Variants in CCSER1 observed in about 807,000 individuals in gnomAD.
CCSER1 encodes the protein serine-rich coiled-coil domain-containing protein 1.
A neutral mutation model predicts 82.0 loss-of-function variants in CCSER1; 41 were observed. The observed-to-expected ratio is 0.50, with a 90% CI of 0.39 to 0.65. The LOEUF is 0.65. Among genes scored for constraint, CCSER1 ranks in the 30% least tolerant of loss-of-function variants. The pLI, the probability that CCSER1 is intolerant of heterozygous loss-of-function variation, is 0.00. For missense variants in CCSER1, 1,119 were observed against 1,064.2 expected (o/e 1.05, Z -0.72); for synonymous variants, 414 against 383.9 (o/e 1.08, Z -0.92).
intron 1 of CCSER1, among the ~76,000 whole-genome samples, chr4:90,284,601 C>T (rs1729522209): frequency 6.6e-6 from 1 of 151,638 alleles, no homozygotes; most frequent in Admixed American, 6.6e-5. Context: ...TTAAGCCATC[C>T]TCCCATCTTA....
chr4:90,828,152 G>A (rs573610640), intron 8 of CCSER1, among the ~76,000 whole-genome samples: 1 of 152,130 alleles, frequency 6.6e-6, no homozygotes, highest in African/African-American at 2.4e-5. Context: ...AGCCAGATAA[G>A]GGGAGCTCTG....
chr4:91,157,195 T>C (rs534265946), intron 10 of CCSER1, among the ~76,000 whole-genome samples: 51 of 152,152 alleles, frequency 3.4e-4, no homozygotes, highest in African/African-American at 1.2e-3. Context: ...TGTGTTGATG[T>C]CTTTCAGCAG....
chr4:90,876,669 A>G (rs1276262318), intron 8 of CCSER1, among the ~76,000 whole-genome samples: 2 of 152,078 alleles, frequency 1.3e-5, no homozygotes, highest in South Asian at 2.1e-4. Context: ...ATTCAATCCC[A>G]TTCATATATC....
chr4:91,325,428 AG>A (rs1746491788), intron 10 of CCSER1: 2 of 262,150 alleles, frequency 7.6e-6, no homozygotes, highest in African/African-American at 4.5e-5. Context: ...ATTTTTAGCT[AG>A]TACATTATGA....
At chr4:90,492,750 T>C (rs1768262527) in intron 5 of CCSER1, among the ~76,000 whole-genome samples, 1 of 152,222 alleles carries the variant, frequency 6.6e-6, no homozygotes, top group Non-Finnish European at 1.5e-5. Flanking sequence ...AAGAACATCT[T>C]TATTTCTGCC....
In CCSER1 at chr4:90,156,974, G is replaced by C. The variant is rs973291411; in HGVS notation, c.-42+29143G>C. On this transcript the variant is annotated intron_variant, in intron 1 of 10. Transcript: ENST00000509176. The stretch of plus-strand genomic sequence containing the variant: ...ATGCAGTTTCTTCCTAGCCTCGATG[G>C]TTTTTACAATTTGGCATGATTTTGC... 8.5e-5 allele frequency among the ~76,000 whole-genome samples: 13 copies of C among 152,148 alleles called. 1 individual carries two copies. Among genetic ancestry groups the C allele is most frequent in the African/African-American group, 2.2e-4 (9 of 41,430 alleles).
intron 10 of CCSER1, among the ~76,000 whole-genome samples, chr4:91,454,490 G>A (rs1756041678): frequency 6.6e-6 from 1 of 151,992 alleles, no homozygotes; most frequent in African/African-American, 2.4e-5. Context: ...GGATAATCCA[G>A]GATAATCTCC....
At chr4:90,724,028 A>T (rs62314447) in intron 7 of CCSER1, 37 bp downstream of exon 7, 221,861 of 1,246,606 alleles carry the variant, frequency 0.18, 22,963 homozygotes, top group African/African-American at 0.42. Flanking sequence ...TTATAAAAAT[A>T]TTAGGATAGT....
intron 10 of CCSER1, among the ~76,000 whole-genome samples, chr4:91,465,417 T>TTGA (rs1396504938): frequency 6.0e-5 from 9 of 150,184 alleles, no homozygotes; most frequent in Admixed American, 2.0e-4. Context: ...GGATCTAAAA[T>TTGA]CACCCTAACA....
chr4:90,720,906 G>A (rs1486201391), intron 6 of CCSER1, among the ~76,000 whole-genome samples: 2 of 151,720 alleles, frequency 1.3e-5, no homozygotes, highest in African/African-American at 4.8e-5. Context: ...TGCTTTTTTA[G>A]TGACAGAATA....
chr4:91,226,930 T>C (rs1738245911), intron 10 of CCSER1, among the ~76,000 whole-genome samples: 1 of 151,856 alleles, frequency 6.6e-6, no homozygotes, highest in African/African-American at 2.4e-5. Flanking sequence ...GCATCATCTG[T>C]AAAATGGTCA....
chr4:90,185,613 G>C (rs1179773866), intron 1 of CCSER1, among the ~76,000 whole-genome samples: 1 of 151,910 alleles, frequency 6.6e-6, no homozygotes, highest in Non-Finnish European at 1.5e-5. Context: ...ACTGTTATCT[G>C]TATGCCCTTC....
At chr4:91,546,449 CTA>C (rs1761893591) in intron 10 of CCSER1, among the ~76,000 whole-genome samples, 1 of 151,944 alleles carries the variant, frequency 6.6e-6, no homozygotes, top group Non-Finnish European at 1.5e-5. Context: ...TTCAGATTAT[CTA>C]TTTTTGTATG....
At chr4:91,256,982 A>G (rs1433334386) in intron 10 of CCSER1, among the ~76,000 whole-genome samples, 1 of 152,136 alleles carries the variant, frequency 6.6e-6, no homozygotes, top group Non-Finnish European at 1.5e-5. Flanking sequence ...TACTCCTAAA[A>G]GCCTAGAAAT....
At position 91,603,071 on chromosome 4, in the gene CCSER1, T is replaced by C. The variant is rs1222235504; in HGVS notation, c.*4014T>C. 6.6e-6 allele frequency among the ~76,000 whole-genome samples: 1 copy of C among 152,076 alleles called. No individual in the cohort carries two copies. The highest frequency in any genetic ancestry group is 2.4e-5 in the African/African-American group (1 of 41,436). ...CATGTGGTAAATTTATCATGACAACTCTAGGCTGTAGAAGGCGTAATATAA... is the reference window on the plus strand; with the variant it reads ...CATGTGGTAAATTTATCATGACAACCCTAGGCTGTAGAAGGCGTAATATAA... On this transcript the variant is annotated 3_prime_UTR_variant, in exon 11 of 11. Coordinates refer to ENST00000509176, the MANE Select transcript of CCSER1 (RefSeq NM_001145065.2).
rs975454851 is a variant in CCSER1, at chr4:91,603,140, A to G, written c.*4083A>G. ...TTCTTATAAAAGGCTGATTTCAGTTAAGACTGGTCATTTTTTTAAAAAGCT... is the reference window on the plus strand; with the variant it reads ...TTCTTATAAAAGGCTGATTTCAGTTGAGACTGGTCATTTTTTTAAAAAGCT... On this transcript the variant is annotated 3_prime_UTR_variant, in exon 11 of 11. Transcript: ENST00000509176. 1 of 152,084 alleles carries G rather than the reference A, an allele frequency of 6.6e-6. No individual in the cohort carries two copies. The highest frequency in any genetic ancestry group is 1.5e-5 in the Non-Finnish European group (1 of 67,972). 9.4% of individuals were successfully genotyped at this position (152,084 alleles called of 1,614,324 possible). A position where few individuals can be genotyped will look rare whatever the true frequency, so the allele number is the denominator to read the frequency against.
At chr4:90,960,893 T>C (rs1733989459) in intron 9 of CCSER1, among the ~76,000 whole-genome samples, 1 of 152,180 alleles carries the variant, frequency 6.6e-6, no homozygotes, top group Non-Finnish European at 1.5e-5. Flanking sequence ...ATAAGGAAGG[T>C]ACTATTTTTA....
At chr4:91,262,230 G>A (rs781522160) in intron 10 of CCSER1, among the ~76,000 whole-genome samples, 1 of 151,910 alleles carries the variant, frequency 6.6e-6, no homozygotes, top group East Asian at 1.9e-4. Flanking sequence ...GGAAGATGAG[G>A]ATAAAAATAA....
chr4:90,930,062 A>G (rs914245546), intron 9 of CCSER1, among the ~76,000 whole-genome samples: 1 of 152,184 alleles, frequency 6.6e-6, no homozygotes, highest in African/African-American at 2.4e-5. Flanking sequence ...AGGAGGTTTT[A>G]TATAGTTTAA....
Sources: gnomAD v4.1 joint callset for allele counts (sites outside exome capture counted in the v4.1 genomes callset) on GRCh38, gnomAD v4.1.1 for gene constraint, MANE v1.5 for transcripts, NCBI Gene and HGNC (gene_info 2026-07-23, HGNC 2026-07-21) for gene names.